The following SV2C variants were observed in gnomAD, a reference collection of about 807,000 sequenced individuals.
The protein encoded by SV2C is synaptic vesicle glycoprotein 2C, also known as solute carrier family 22 member B3.
In SV2C, 49 loss-of-function variants were observed where a neutral mutation model predicts 79.7. That is an observed-to-expected ratio of 0.61 (90% CI 0.49 to 0.78). The LOEUF (loss-of-function observed/expected upper bound fraction) is 0.78, where lower values mean the gene tolerates loss of function less well. SV2C is among the 30% of genes least tolerant of loss of function. SV2C has a pLI of 0.00. For synonymous variants in SV2C, 334 were observed against 333.2 expected (o/e 1.00, Z -0.03); for missense variants, 833 against 912.9 (o/e 0.91, Z 1.13).
At chr5:76,183,282 C>G (rs1371952874) in intron 2 of SV2C, among the ~76,000 whole-genome samples, 1 of 151,846 alleles carries the variant, frequency 6.6e-6, no homozygotes, top group Admixed American at 6.6e-5. Flanking sequence ...GCCTTGGTCT[C>G]CCAAAGTGCT....
intron 4 of SV2C, among the ~76,000 whole-genome samples, chr5:76,248,316 G>A (rs1400151513): frequency 6.6e-6 from 1 of 152,120 alleles, no homozygotes; most frequent in Non-Finnish European, 1.5e-5. Context: ...GGCAGGTTTG[G>A]TTTCTTCTGA....
chr5:76,045,864 A>G, the SV2C span, among the ~76,000 whole-genome samples: 1 of 152,308 alleles, frequency 6.6e-6, no homozygotes, highest in East Asian at 1.9e-4. Flanking sequence ...CAAAAAGCTT[A>G]AATCTAGTGA....
the SV2C span, among the ~76,000 whole-genome samples, chr5:75,955,877 A>C: frequency 6.6e-6 from 1 of 152,160 alleles, no homozygotes; most frequent in African/African-American, 2.4e-5. Flanking sequence ...AATGGCAATC[A>C]TTAAAAAGTC....
the SV2C span, among the ~76,000 whole-genome samples, chr5:75,913,962 TAA>T: frequency 2.3e-4 from 34 of 148,972 alleles, no homozygotes; most frequent in African/African-American, 8.3e-4. Context: ...TGAGAATAGT[TAA>T]AAAAAAAACA....
chr5:76,048,987 G>GAAAGAAAGAAAGAAAGAAAGA, the SV2C span, among the ~76,000 whole-genome samples: 2 of 80,124 alleles, frequency 2.5e-5, no homozygotes, highest in East Asian at 8.1e-4. Context: ...AAGAAAGAAA[G>GAAAGAAAGAAAGAAAGAAAGA]AAAGAAAGAA....
upstream of SV2C, chr5:76,079,822 T>G (rs535643207): frequency 1.9e-4 from 34 of 183,702 alleles, 1 homozygote; most frequent in South Asian, 4.3e-3. Flanking sequence ...CACTTCCATA[T>G]GCTGTACATG....
At chr5:76,014,257 AAAG>A in the SV2C span, among the ~76,000 whole-genome samples, 1 of 142,514 alleles carries the variant, frequency 7.0e-6, no homozygotes, top group African/African-American at 2.7e-5. Flanking sequence ...AGAAGAAAGG[AAAG>A]AAAGAAGGAA....
the SV2C span, among the ~76,000 whole-genome samples, chr5:76,011,591 A>G: frequency 6.6e-6 from 1 of 151,858 alleles, no homozygotes; most frequent in Admixed American, 6.6e-5. Context: ...ACTAACCTAT[A>G]CTTTTCCTGT....
At chr5:76,266,942 A>G (rs984592924) in intron 4 of SV2C, among the ~76,000 whole-genome samples, 1 of 152,228 alleles carries the variant, frequency 6.6e-6, no homozygotes, top group African/African-American at 2.4e-5. Flanking sequence ...CAGAGCCTGC[A>G]CTGTCTACCT....
At chr5:75,849,072 A>T in the SV2C span, among the ~76,000 whole-genome samples, 3 of 152,134 alleles carry the variant, frequency 2.0e-5, no homozygotes, top group Non-Finnish European at 4.4e-5. Context: ...ATCTCCCCGT[A>T]TGCATGAAAG....
chr5:75,903,487 G>A, the SV2C span, among the ~76,000 whole-genome samples: 1 of 151,984 alleles, frequency 6.6e-6, no homozygotes, highest in Middle Eastern at 3.4e-3. Context: ...CAAAACAAGT[G>A]TGACCTACAC....
At chr5:75,947,655 T>C in the SV2C span, among the ~76,000 whole-genome samples, 1 of 152,114 alleles carries the variant, frequency 6.6e-6, no homozygotes. Flanking sequence ...CATTTCTTCC[T>C]GAGTTACCCA....
the SV2C span, among the ~76,000 whole-genome samples, chr5:75,858,299 G>T: frequency 6.6e-6 from 1 of 152,024 alleles, no homozygotes; most frequent in Non-Finnish European, 1.5e-5. Flanking sequence ...TTTTTTGAGG[G>T]TTTTCATCAG....
At chr5:76,030,892 C>T in the SV2C span, among the ~76,000 whole-genome samples, 1 of 152,086 alleles carries the variant, frequency 6.6e-6, no homozygotes, top group Non-Finnish European at 1.5e-5. Context: ...TTCAAAATAC[C>T]TAACAATAGT....
chr5:76,215,004 T>G (rs1237288023), intron 4 of SV2C, among the ~76,000 whole-genome samples: 2 of 152,224 alleles, frequency 1.3e-5, no homozygotes, highest in South Asian at 2.1e-4. Context: ...TTGATTCCCT[T>G]TCTTTCTTTT....
In SV2C at chr5:76,173,083, TA is replaced by T. The variant is rs1191164560; in HGVS notation, c.581-21829del. On this transcript the variant is annotated intron_variant, in intron 2 of 12. Transcript: ENST00000502798. ...AAAAAAAATACAAAAAAAAAAAAAT[TA>T]AAAAAACTATATAGCTGTGTTAATC... is the stretch of plus-strand genomic sequence containing the variant. Among the ~76,000 whole-genome samples, 68 of 140,994 alleles carry T rather than the reference TA, an allele frequency of 4.8e-4. 3 individuals carry two copies. Among genetic ancestry groups the T allele is most frequent in the African/African-American group, 1.6e-3 (63 of 38,782 alleles). 92.5% of individuals were successfully genotyped at this position (140,994 alleles called of 152,430 possible). A position where few individuals can be genotyped will look rare whatever the true frequency, so the allele number is the denominator to read the frequency against.
chr5:76,073,929 G>A, the SV2C span, among the ~76,000 whole-genome samples: 1 of 152,154 alleles, frequency 6.6e-6, no homozygotes, highest in Non-Finnish European at 1.5e-5. Flanking sequence ...AAAAAAAGAA[G>A]TAGAGAAACT....
chr5:75,989,521 T>C, the SV2C span, among the ~76,000 whole-genome samples: 14 of 152,226 alleles, frequency 9.2e-5, no homozygotes, highest in East Asian at 2.5e-3. Flanking sequence ...ATTTTCTTTA[T>C]CCAGTCTATC....
At chr5:75,904,126 A>C in the SV2C span, among the ~76,000 whole-genome samples, 1 of 152,182 alleles carries the variant, frequency 6.6e-6, no homozygotes, top group Non-Finnish European at 1.5e-5. Context: ...TCAGTAATGG[A>C]TGTTTGGTAG....
Sources: allele counts gnomAD v4.1 joint callset (sites outside exome capture counted in the v4.1 genomes callset), GRCh38; gene constraint gnomAD v4.1.1; transcripts MANE v1.5; gene names NCBI Gene and HGNC (gene_info 2026-07-23, HGNC 2026-07-21).